The following SRPK2 variants were observed in gnomAD, a reference collection of about 807,000 sequenced individuals.
SRPK2 encodes SRSF protein kinase 2, also known as SFRS protein kinase 2.
SRPK2 carries 21 observed loss-of-function variants against 90.8 expected under a neutral mutation model. The observed-to-expected ratio is 0.23, with a 90% CI of 0.16 to 0.33. The LOEUF is 0.33. Among genes scored for constraint, SRPK2 ranks in the 10% least tolerant of loss-of-function variants. The pLI is 1.00. For missense variants in SRPK2, 620 were observed against 869.0 expected (o/e 0.71, Z 3.60); for synonymous variants, 288 against 311.1 (o/e 0.93, Z 0.78).
upstream of SRPK2, among the ~76,000 whole-genome samples, chr7:105,393,947 A>T (rs1822248883): frequency 6.6e-6 from 1 of 151,890 alleles, no homozygotes. Context: ...CAAAAAAAAA[A>T]ATTGCTCCCC....
intron 2 of SRPK2, among the ~76,000 whole-genome samples, chr7:105,362,243 C>A (rs1284170289): frequency 6.6e-6 from 1 of 152,084 alleles, no homozygotes; most frequent in Non-Finnish European, 1.5e-5. Context: ...TCATCACTGG[C>A]CATCAGAGAA....
At chr7:105,135,204 A>G (rs1174763974) in intron 11 of SRPK2, among the ~76,000 whole-genome samples, 1 of 152,224 alleles carries the variant, frequency 6.6e-6, no homozygotes, top group East Asian at 1.9e-4. Flanking sequence ...CTAAGTTTCA[A>G]TATCTACAAG....
At chr7:105,224,234 T>G (rs1305629256) in intron 2 of SRPK2, among the ~76,000 whole-genome samples, 2 of 152,234 alleles carry the variant, frequency 1.3e-5, no homozygotes, top group Non-Finnish European at 2.9e-5. Flanking sequence ...AATAATATTT[T>G]GTAATTTTTT....
At chr7:105,186,882 G>A (rs1793645682) in intron 3 of SRPK2, among the ~76,000 whole-genome samples, 1 of 152,162 alleles carries the variant, frequency 6.6e-6, no homozygotes, top group Admixed American at 6.5e-5. Context: ...CATATGCAAA[G>A]GGCATGGATA....
intron 2 of SRPK2, among the ~76,000 whole-genome samples, chr7:105,345,450 C>G (rs1439462212): frequency 2.0e-5 from 3 of 152,050 alleles, no homozygotes. Flanking sequence ...GTCATTCTCA[C>G]ATTTTAAAGA....
intron 2 of SRPK2, among the ~76,000 whole-genome samples, chr7:105,362,119 A>C (rs966104363): frequency 6.6e-6 from 1 of 152,146 alleles, no homozygotes; most frequent in African/African-American, 2.4e-5. Context: ...AACTTAAACA[A>C]ATTTACCAGA....
At chr7:105,191,618 C>T (rs1794291092) in intron 3 of SRPK2, among the ~76,000 whole-genome samples, 2 of 152,028 alleles carry the variant, frequency 1.3e-5, no homozygotes, top group East Asian at 3.9e-4. Context: ...ATAAATGATG[C>T]CCAGAAGGTA....
intron 11 of SRPK2, among the ~76,000 whole-genome samples, chr7:105,139,473 T>A (rs981862658): frequency 1.3e-5 from 2 of 152,186 alleles, no homozygotes; most frequent in African/African-American, 2.4e-5. Context: ...TGGCAACAAG[T>A]GTAGGAAATA....
At chr7:105,203,910 T>A in intron 2 of SRPK2, 125 bp from the exon 3 acceptor site, 2 of 1,191,482 alleles carry the variant, frequency 1.7e-6, no homozygotes, top group Non-Finnish European at 2.3e-6. Context: ...AAATGTCATT[T>A]AATGTCACTT....
chr7:105,177,750 C>T (rs1459025091), intron 3 of SRPK2, among the ~76,000 whole-genome samples: 4 of 152,072 alleles, frequency 2.6e-5, no homozygotes, highest in East Asian at 1.9e-4. Context: ...AGGCTAGGCA[C>T]GGTGGCTCAC....
intron 2 of SRPK2, among the ~76,000 whole-genome samples, chr7:105,291,044 C>CAAAAAAAAA (rs10684672): frequency 1.7e-4 from 14 of 83,752 alleles, no homozygotes; most frequent in East Asian, 7.7e-4. Context: ...GACTCCGTCT[C>CAAAAAAAAA]AAAAAAAAAA....
At chr7:105,337,535 A>T (rs1266094421) in intron 2 of SRPK2, among the ~76,000 whole-genome samples, 4 of 151,278 alleles carry the variant, frequency 2.6e-5, no homozygotes, top group Non-Finnish European at 5.9e-5. Context: ...GGCTGGTCTC[A>T]AACTCCTGAC....
At chr7:105,209,266 C>A (rs1585184576) in intron 2 of SRPK2, among the ~76,000 whole-genome samples, 2 of 152,134 alleles carry the variant, frequency 1.3e-5, no homozygotes, top group African/African-American at 2.4e-5. Context: ...TATACCACTT[C>A]AGGCCGGGTG....
intron 2 of SRPK2, among the ~76,000 whole-genome samples, chr7:105,332,379 T>C (rs1432756816): frequency 6.6e-6 from 1 of 152,120 alleles, no homozygotes; most frequent in East Asian, 1.9e-4. Context: ...ATACCTTCTA[T>C]TTCCAAAAAA....
chr7:105,373,775 C>A (rs1819979335), intron 2 of SRPK2, among the ~76,000 whole-genome samples: 1 of 152,110 alleles, frequency 6.6e-6, no homozygotes, highest in Non-Finnish European at 1.5e-5. Context: ...AGTAAGCTGA[C>A]CTTACTGTCG....
chr7:105,380,806 G>C (rs980365473), intron 2 of SRPK2, among the ~76,000 whole-genome samples: 2 of 151,952 alleles, frequency 1.3e-5, no homozygotes, highest in African/African-American at 2.4e-5. Context: ...ACAGGCGTAA[G>C]CTACCACGCC....
chr7:105,332,457 T>C (rs935867796), intron 2 of SRPK2, among the ~76,000 whole-genome samples: 1 of 151,984 alleles, frequency 6.6e-6, no homozygotes, highest in African/African-American at 2.4e-5. Context: ...ACAGTGATAT[T>C]TAAAAAATAA....
At chr7:105,203,356 C>A (rs1052527344) in intron 3 of SRPK2, among the ~76,000 whole-genome samples, 2 of 152,286 alleles carry the variant, frequency 1.3e-5, no homozygotes. Context: ...TTAATTCTAA[C>A]AGATTTAAGT....
chr7:105,333,054 C>A (rs962732525), intron 2 of SRPK2, among the ~76,000 whole-genome samples: 1 of 151,972 alleles, frequency 6.6e-6, no homozygotes, highest in Admixed American at 6.6e-5. Flanking sequence ...ATTAGCTGGG[C>A]GTGGTGGCAC....
Sources: allele counts gnomAD v4.1 joint callset (sites outside exome capture counted in the v4.1 genomes callset), GRCh38; gene constraint gnomAD v4.1.1; transcripts MANE v1.5; gene names NCBI Gene and HGNC (gene_info 2026-07-23, HGNC 2026-07-21).